Variants in VEGFC observed in about 807,000 individuals in gnomAD.
The protein encoded by VEGFC is vascular endothelial growth factor C.
Under a neutral mutation model 46.1 loss-of-function variants are expected in VEGFC, and 12 were observed. That is an observed-to-expected ratio of 0.26 (90% CI 0.17 to 0.42). The LOEUF (loss-of-function observed/expected upper bound fraction) is 0.42, where lower values mean the gene tolerates loss of function less well. Among genes scored for constraint, VEGFC ranks in the 10% least tolerant of loss-of-function variants. The pLI, the probability that VEGFC is intolerant of heterozygous loss-of-function variation, is 1.00. For missense variants in VEGFC, 488 were observed against 529.4 expected (o/e 0.92, Z 0.77); for synonymous variants, 232 against 195.5 (o/e 1.19, Z -1.56).
intron 3 of VEGFC, among the ~76,000 whole-genome samples, chr4:176,712,806 T>C (rs761788162): frequency 1.1e-4 from 16 of 152,190 alleles, no homozygotes; most frequent in Non-Finnish European, 2.1e-4. Flanking sequence ...TACAGAAATA[T>C]GTAAATTATA....
At chr4:176,782,164 C>G (rs1735927954) in intron 1 of VEGFC, among the ~76,000 whole-genome samples, 1 of 152,176 alleles carries the variant, frequency 6.6e-6, no homozygotes, top group Non-Finnish European at 1.5e-5. Flanking sequence ...AAGCAAAGCA[C>G]TTGTAAGAGA....
At chr4:176,744,093 A>G in intron 1 of VEGFC, among the ~76,000 whole-genome samples, 1 of 152,052 alleles carries the variant, frequency 6.6e-6, no homozygotes, top group East Asian at 1.9e-4. Context: ...ATTTGAATGT[A>G]GTAAAAATCC....
intron 1 of VEGFC, among the ~76,000 whole-genome samples, chr4:176,774,426 T>C (rs1735777286): frequency 6.6e-6 from 1 of 152,202 alleles, no homozygotes; most frequent in African/African-American, 2.4e-5. Context: ...GTGAATCACT[T>C]CTGCTCGTCA....
chr4:176,723,331 A>G (rs1039548753), intron 3 of VEGFC, among the ~76,000 whole-genome samples: 1 of 152,096 alleles, frequency 6.6e-6, no homozygotes, highest in African/African-American at 2.4e-5. Context: ...GTATATATAT[A>G]CATACATATA....
At chr4:176,740,480 T>C (rs1480997602) in intron 1 of VEGFC, among the ~76,000 whole-genome samples, 1 of 115,348 alleles carries the variant, frequency 8.7e-6, no homozygotes, top group Non-Finnish European at 1.8e-5. Flanking sequence ...ATATATTCTA[T>C]ATATAGAGAG....
Position 176,754,233 on chromosome 4 carries a change from T to A in VEGFC, c.148-24487A>T, listed in dbSNP as rs554438838. The stretch of plus-strand genomic sequence containing the variant: ...TTTAAAACATAGGTCTTAACTTGTT[T>A]TTTTTTTTTTTACTTGAGGTGACTT... On this transcript the variant is annotated intron_variant, in intron 1 of 6. Coordinates refer to ENST00000618562, the MANE Select transcript of VEGFC (RefSeq NM_005429.5). 2.0e-5 allele frequency among the ~76,000 whole-genome samples: 3 copies of A among 151,390 alleles called. No homozygotes were observed. The South Asian group carries it at 6.2e-4, about 32-fold the overall frequency.
intron 1 of VEGFC, among the ~76,000 whole-genome samples, chr4:176,785,890 T>C (rs1189293781): frequency 6.6e-6 from 1 of 152,176 alleles, no homozygotes; most frequent in Non-Finnish European, 1.5e-5. Flanking sequence ...GCTTGCTTCG[T>C]TTGGAATGCA....
chr4:176,702,168 G>T lies in VEGFC; in HGVS notation c.704+9331C>A, dbSNP rs376032757. The stretch of plus-strand genomic sequence containing the variant: ...ACTCTATTCCTTGGAAATAAGACAT[G>T]TTCTCATAAGAATAAAATCTTCTTA... On this transcript the variant is annotated intron_variant, in intron 4 of 6. Transcript: ENST00000618562. Among the ~76,000 whole-genome samples, 3 of 152,208 alleles carry T rather than the reference G, an allele frequency of 2.0e-5. No individual in the cohort carries two copies. The East Asian group carries it at 5.8e-4, about 29-fold the overall frequency.
At chr4:176,788,979 C>T (rs991861219) in intron 1 of VEGFC, among the ~76,000 whole-genome samples, 2 of 152,162 alleles carry the variant, frequency 1.3e-5, no homozygotes, top group African/African-American at 2.4e-5. Flanking sequence ...GCTTAACACA[C>T]GTTATGAACA....
chr4:176,686,273 G>GC (rs375241166), intron 6 of VEGFC, among the ~76,000 whole-genome samples: 17 of 152,284 alleles, frequency 1.1e-4, no homozygotes, highest in African/African-American at 4.1e-4. Flanking sequence ...GTTTAACATA[G>GC]CACTGTAGGC....
chr4:176,690,283 G>A (rs1158891082), intron 4 of VEGFC, among the ~76,000 whole-genome samples: 1 of 150,900 alleles, frequency 6.6e-6, no homozygotes, highest in Non-Finnish European at 1.5e-5. Context: ...TTAAGACTAT[G>A]AGAAAAATGT....
chr4:176,734,781 T>C (rs1735026766), intron 1 of VEGFC, among the ~76,000 whole-genome samples: 1 of 151,840 alleles, frequency 6.6e-6, no homozygotes, highest in Non-Finnish European at 1.5e-5. Context: ...TATACATTCA[T>C]ATCCAAAATT....
intron 5 of VEGFC, 88 bp from the exon 6 acceptor site, chr4:176,687,608 T>G (rs540834578): frequency 1.5e-6 from 2 of 1,321,904 alleles, no homozygotes; most frequent in African/African-American, 1.5e-5. Context: ...ATCTTCCTTT[T>G]GTATGTTTTC....
rs79879449 is a variant in VEGFC, at chr4:176,718,207, A to T, written c.553-6557T>A. On this transcript the variant is annotated intron_variant, in intron 3 of 6. Transcript: ENST00000618562. ...CATAGAGTTCTTTTTCCACATCAGG[A>T]TAAAACCTGATTTCCAAAAACTGTG... Among the ~76,000 whole-genome samples the T allele has an allele frequency of 9.5e-3, 1,444 of 152,242 alleles. 14 individuals carry two copies. Among genetic ancestry groups the T allele is most frequent in the Non-Finnish European group, 0.016 (1,094 of 67,954 alleles).
intron 1 of VEGFC, among the ~76,000 whole-genome samples, chr4:176,776,213 T>G (rs971697650): frequency 6.6e-6 from 1 of 152,152 alleles, no homozygotes; most frequent in Non-Finnish European, 1.5e-5. Context: ...GTTTTAAAAT[T>G]ATAAAACATT....
intron 1 of VEGFC, among the ~76,000 whole-genome samples, chr4:176,737,405 C>T (rs890907200): frequency 6.1e-5 from 9 of 148,698 alleles, no homozygotes; most frequent in Non-Finnish European, 1.2e-4. Context: ...CTCTTTTTAA[C>T]ATTTCTATGT....
intron 1 of VEGFC, among the ~76,000 whole-genome samples, chr4:176,762,507 G>A (rs1303978177): frequency 6.6e-6 from 1 of 152,092 alleles, no homozygotes; most frequent in Non-Finnish European, 1.5e-5. Context: ...TCAATCTCTA[G>A]AACTGTGAAA....
At position 176,773,547 on chromosome 4, in the gene VEGFC, G is replaced by A. The variant is rs185257750; in HGVS notation, c.147+18618C>T. ...TAGTATACAAAAAAACAGAAGCAGG[G>A]GAAAAATTTTAGAGAAGGAGACCAA... On this transcript the variant is annotated intron_variant, in intron 1 of 6. Coordinates refer to ENST00000618562, the MANE Select transcript of VEGFC (RefSeq NM_005429.5). Among the ~76,000 whole-genome samples, 415 of 152,050 alleles carry A rather than the reference G, an allele frequency of 2.7e-3. 2 individuals are homozygous for A. Among genetic ancestry groups the A allele is most frequent in the African/African-American group, 9.6e-3 (400 of 41,474 alleles).
intron 1 of VEGFC, among the ~76,000 whole-genome samples, chr4:176,736,027 T>C (rs1735047303): frequency 6.6e-6 from 1 of 151,832 alleles, no homozygotes; most frequent in Non-Finnish European, 1.5e-5. Flanking sequence ...CATTACATGC[T>C]AGAAAAAAGA....
Sources: gnomAD v4.1 joint callset for allele counts (sites outside exome capture counted in the v4.1 genomes callset) on GRCh38, gnomAD v4.1.1 for gene constraint, MANE v1.5 for transcripts, NCBI Gene and HGNC (gene_info 2026-07-23, HGNC 2026-07-21) for gene names.